DENND1A: variants seen among roughly 807,000 people sequenced by gnomAD.
DENND1A encodes the protein DENN domain containing 1A, also known as DENN domain-containing protein 1A.
Under a neutral mutation model 113.7 loss-of-function variants are expected in DENND1A, and 51 were observed. The observed-to-expected ratio is 0.45, with a 90% confidence interval of 0.36 to 0.57. DENND1A has a LOEUF of 0.57. Among genes scored for constraint, DENND1A ranks in the 20% least tolerant of loss-of-function variants. The pLI is 0.00. For synonymous variants in DENND1A, 565 were observed against 570.8 expected, an observed-to-expected ratio of 0.99 and a Z score of 0.14; for missense variants, 1,258 against 1,395.9, an observed-to-expected ratio of 0.90 and a Z score of 1.57.
chr9:123,414,424 G>A (rs968275288), intron 19 of DENND1A: 2 of 1,457,392 alleles, frequency 1.4e-6, no homozygotes, highest in African/African-American at 1.4e-5. Flanking sequence ...CTTGGCACTT[G>A]GCAGATGAAA....
chr9:123,550,987 G>A (rs190493153), intron 13 of DENND1A, among the ~76,000 whole-genome samples: 14 of 152,244 alleles, frequency 9.2e-5, no homozygotes, highest in East Asian at 5.8e-4. Context: ...GCTAGGAGGC[G>A]TGTCAGAGAG....
intron 5 of DENND1A, among the ~76,000 whole-genome samples, chr9:123,710,534 AACACAC>A (rs59599155): frequency 4.3e-5 from 5 of 116,696 alleles, no homozygotes; most frequent in African/African-American, 9.4e-5. Flanking sequence ...AGCCTCATTA[AACACAC>A]ACACACACAC....
At chr9:123,742,128 T>C (rs1439735049) in intron 5 of DENND1A, among the ~76,000 whole-genome samples, 3 of 152,142 alleles carry the variant, frequency 2.0e-5, no homozygotes, top group African/African-American at 7.2e-5. Flanking sequence ...GCTCTGCCAG[T>C]TGGCAAACCC....
intron 2 of DENND1A, among the ~76,000 whole-genome samples, chr9:123,837,440 G>A (rs528132751): frequency 6.6e-6 from 1 of 152,164 alleles, no homozygotes; most frequent in Non-Finnish European, 1.5e-5. Context: ...ACCTATCCAG[G>A]GGTAAGGTAT....
intron 5 of DENND1A, among the ~76,000 whole-genome samples, chr9:123,705,188 C>A (rs1275359202): frequency 6.6e-6 from 1 of 151,878 alleles, no homozygotes; most frequent in Non-Finnish European, 1.5e-5. Context: ...GTAAATAAAA[C>A]AAGAGCAAAA....
intron 2 of DENND1A, among the ~76,000 whole-genome samples, chr9:123,806,603 T>C (rs1195730314): frequency 6.6e-6 from 1 of 152,228 alleles, no homozygotes. Flanking sequence ...TCAGAGTAAC[T>C]TGTGACATCA....
chr9:123,926,567 C>CAAAAAA (rs746978969), intron 1 of DENND1A, among the ~76,000 whole-genome samples: 3 of 40,992 alleles, frequency 7.3e-5, no homozygotes, highest in Admixed American at 2.8e-4. Flanking sequence ...AACTCCATCT[C>CAAAAAA]AAAAAAAAAA....
chr9:123,740,732 A>C (rs932780122), intron 5 of DENND1A, among the ~76,000 whole-genome samples: 2 of 152,174 alleles, frequency 1.3e-5, no homozygotes, highest in African/African-American at 4.8e-5. Context: ...ATCAGATGAG[A>C]CAGGTTATAT....
At chr9:123,530,732 C>T (rs76016771) in intron 13 of DENND1A, among the ~76,000 whole-genome samples, 18,199 of 152,088 alleles carry the variant, frequency 0.12, 1,166 homozygotes, top group South Asian at 0.15. Flanking sequence ...TTCCACGACC[C>T]TCAGTGTATA....
chr9:123,883,778 G>A (rs7874526), intron 1 of DENND1A, among the ~76,000 whole-genome samples: 5,779 of 150,520 alleles, frequency 0.038, 113 homozygotes, highest in Middle Eastern at 0.048. Flanking sequence ...ACTCTAATGA[G>A]TCATAATAAA....
Position 123,382,276 on chromosome 9 carries a change from G to A in DENND1A, c.2369C>T (p.Ala790Val), listed in dbSNP as rs776368154. ...CCGCTCTGAGACGTCACCAAGTGCGGCGCCGGCAGCCTGGAGCTTGGCCGG... is the reference window on the plus strand; with the variant it reads ...CCGCTCTGAGACGTCACCAAGTGCGACGCCGGCAGCCTGGAGCTTGGCCGG... ...PRPAKLQAAG[A>V]ALGDVSERLQ... Residue 790 changes from alanine to valine, a missense_variant, in exon 24 of 24, where the codon GCC (alanine) becomes GTC (valine). Ala to Val is a moderately conservative substitution (Grantham distance 64). Around this residue, in one of 2 missense-constraint regions of DENND1A, gnomAD observed 1,159 missense variants for 1,231.7 expected, o/e 0.94. Transcript: ENST00000394215. 30 of 1,610,836 alleles carry A rather than the reference G, an allele frequency of 1.9e-5. No homozygotes were observed. The highest frequency in any genetic ancestry group is 2.4e-5 in the Non-Finnish European group (28 of 1,179,624).
chr9:123,789,983 TTGTG>T (rs34530449), intron 3 of DENND1A, among the ~76,000 whole-genome samples: 1 of 149,974 alleles, frequency 6.7e-6, no homozygotes, highest in Non-Finnish European at 1.5e-5. Flanking sequence ...GAGGGGGAAT[TTGTG>T]TGTGTGTGTG....
intron 20 of DENND1A, among the ~76,000 whole-genome samples, chr9:123,408,772 T>A (rs1163249325): frequency 6.6e-6 from 1 of 152,194 alleles, no homozygotes; most frequent in Non-Finnish European, 1.5e-5. Context: ...CAGTTGCCAA[T>A]GGATGTGGCA....
chr9:123,479,756 G>C (rs1259870883), intron 13 of DENND1A, among the ~76,000 whole-genome samples: 2 of 152,216 alleles, frequency 1.3e-5, no homozygotes, highest in Non-Finnish European at 2.9e-5. Flanking sequence ...ACGCCTTTTG[G>C]CAAAAACCCC....
At position 123,745,409 on chromosome 9, in the gene DENND1A, C is replaced by T. The variant is rs570683064; in HGVS notation, c.302+12294G>A. 5.3e-5 allele frequency among the ~76,000 whole-genome samples: 8 copies of T among 152,170 alleles called. 1 individual carries two copies. The South Asian group carries it at 6.2e-4, about 12-fold the overall frequency. On this transcript the variant is annotated intron_variant, in intron 5 of 23. Coordinates refer to ENST00000394215, the MANE Select transcript of DENND1A (RefSeq NM_001352964.2). Reference sequence around the variant, plus strand: ...TTGAGAAAAGTGAAGTGTATGCTGGCGAGTCTTCTTTAAAAAGCAAGGAGC... The same window carrying T: ...TTGAGAAAAGTGAAGTGTATGCTGGTGAGTCTTCTTTAAAAAGCAAGGAGC...
chr9:123,505,092 C>T (rs1450695225), intron 13 of DENND1A, among the ~76,000 whole-genome samples: 3 of 152,140 alleles, frequency 2.0e-5, no homozygotes, highest in Non-Finnish European at 4.4e-5. Context: ...GAAGGAACTC[C>T]GTGATAATTT....
chr9:123,926,674 GTTTT>G (rs61507628), intron 1 of DENND1A, among the ~76,000 whole-genome samples: 2 of 147,642 alleles, frequency 1.4e-5, no homozygotes, highest in Admixed American at 6.8e-5. Flanking sequence ...TTCCTCAAGG[GTTTT>G]TTTTTTAACT....
chr9:123,383,508 TACAGTCAC>T (rs2042392582), intron 23 of DENND1A, 139 bp downstream of exon 23: 1 of 1,307,668 alleles, frequency 7.6e-7, no homozygotes, highest in Non-Finnish European at 1.0e-6. Context: ...GGGAGGTGTT[TACAGTCAC>T]ACTGACCCTG....
At chr9:123,502,335 T>G in intron 13 of DENND1A, among the ~76,000 whole-genome samples, 1 of 152,204 alleles carries the variant, frequency 6.6e-6, no homozygotes, top group East Asian at 1.9e-4. Flanking sequence ...GGTTCTAATT[T>G]CTGAGTCCTT....
Sources: gnomAD v4.1 joint callset for allele counts (sites outside exome capture counted in the v4.1 genomes callset) on GRCh38, gnomAD v4.1.1 for gene constraint, gnomAD v4.1.1 regional missense constraint, MANE v1.5 for transcripts, NCBI Gene and HGNC (gene_info 2026-07-23, HGNC 2026-07-21) for gene names.